A2ML1: variants seen among roughly 807,000 people sequenced by gnomAD.
A2ML1 encodes the protein alpha-2-macroglobulin like 1.
A neutral mutation model predicts 181.9 loss-of-function variants in A2ML1; 161 were observed. The observed-to-expected ratio is 0.89, with a 90% CI of 0.78 to 1.01. The LOEUF (loss-of-function observed/expected upper bound fraction) is 1.01. Among genes scored for constraint, A2ML1 ranks in the 50% least tolerant of loss-of-function variants. A2ML1 has a pLI of 0.00. For missense variants in A2ML1, 1,670 were observed against 1,768.1 expected (o/e 0.94, Z 1.00); for synonymous variants, 663 against 666.8 (o/e 0.99, Z 0.09).
At chr12:8,854,047 G>C in intron 20 of A2ML1, 81 bp from the exon 21 acceptor site, 1 of 1,444,274 alleles carries the variant, frequency 6.9e-7, no homozygotes, top group Non-Finnish European at 9.2e-7. Context: ...TAAAGTTTCA[G>C]AAATGCTGAT....
intron 29 of A2ML1, among the ~76,000 whole-genome samples, chr12:8,865,939 A>G (rs529315325): frequency 6.6e-6 from 1 of 152,166 alleles, no homozygotes; most frequent in Non-Finnish European, 1.5e-5. Context: ...AAATTAGCCA[A>G]TTTCACTGAA....
At chr12:8,830,209 G>T (rs980344462) in intron 4 of A2ML1, among the ~76,000 whole-genome samples, 4 of 151,892 alleles carry the variant, frequency 2.6e-5, no homozygotes, top group African/African-American at 7.3e-5. Flanking sequence ...GCACCATCAC[G>T]CCTGGCTAAT....
chr12:8,845,296 G>C (rs768651220), intron 12 of A2ML1, 146 bp from the exon 13 acceptor site: 5 of 1,419,368 alleles, frequency 3.5e-6, no homozygotes, highest in Admixed American at 1.9e-5. Context: ...TGTCAAGCTA[G>C]TGGATGCTGG....
chr12:8,834,799 C>A, intron 5 of A2ML1, 117 bp downstream of exon 5: 1 of 1,303,862 alleles, frequency 7.7e-7, no homozygotes, highest in Non-Finnish European at 1.1e-6. Context: ...CCCCATGACT[C>A]TGCCCAGCAC....
chr12:8,845,164 A>G (rs1943624782), intron 12 of A2ML1: 1 of 1,503,562 alleles, frequency 6.7e-7, no homozygotes, highest in East Asian at 2.5e-5. Flanking sequence ...AATGGCAGAC[A>G]GTTATCTATG....
At chr12:8,881,700 T>C (rs1423452499), downstream of A2ML1, among the ~76,000 whole-genome samples, 3 of 152,080 alleles carry the variant, frequency 2.0e-5, no homozygotes, top group Non-Finnish European at 4.4e-5. Flanking sequence ...GAGAAAATAG[T>C]GTGTTCAGTT....
intron 9 of A2ML1, among the ~76,000 whole-genome samples, chr12:8,838,677 C>T (rs1592116112): frequency 1.3e-5 from 2 of 151,884 alleles, no homozygotes; most frequent in Non-Finnish European, 2.9e-5. Flanking sequence ...CTTTGGGAGG[C>T]CGAGACGGGC....
At chr12:8,829,930 C>T (rs779138035) in intron 4 of A2ML1, 151 bp downstream of exon 4, 38 of 870,476 alleles carry the variant, frequency 4.4e-5, no homozygotes, top group Non-Finnish European at 5.5e-5. Context: ...AAGTGCTGGG[C>T]GAGCTTCAGG....
chr12:8,847,735 G>C (rs1293653967), intron 15 of A2ML1, 37 bp downstream of exon 15: 1 of 1,591,010 alleles, frequency 6.3e-7, no homozygotes, highest in African/African-American at 1.4e-5. Context: ...GGAGGAGGGA[G>C]TTGATGGAGA....
chr12:8,869,367 A>C (rs906421485), intron 33 of A2ML1, among the ~76,000 whole-genome samples, 164 bp downstream of exon 33: 5 of 151,978 alleles, frequency 3.3e-5, no homozygotes, highest in African/African-American at 1.2e-4. Flanking sequence ...ACCGTAAAAC[A>C]CCCCATTGTG....
chr12:8,848,682 A>G (rs1294009480), intron 15 of A2ML1, 38 bp from the exon 16 acceptor site: 6 of 1,536,322 alleles, frequency 3.9e-6, no homozygotes, highest in Non-Finnish European at 1.8e-6. Context: ...TGATATCACT[A>G]TATCAATGCT....
chr12:8,863,239 T>C (rs1221452225), intron 28 of A2ML1, among the ~76,000 whole-genome samples: 1 of 152,056 alleles, frequency 6.6e-6, no homozygotes, highest in African/African-American at 2.4e-5. Context: ...CCCAAGTAGC[T>C]GGGATTAGAG....
chr12:8,851,945 C>G lies in A2ML1; in HGVS notation c.2396C>G (p.Ser799Ter). Residue 799 changes from serine to a stop codon, truncating the protein, a stop_gained, in exon 19 of 36, where the codon TCA becomes TGA. Transcript: ENST00000299698. LOFTEE classifies it high-confidence loss of function. Reference protein sequence around the residue: ...PFFVDLTLPYSVVRGESFRLT... With the variant: ...PFFVDLTLPY The stretch of plus-strand genomic sequence containing the variant: ...TTTGTTGACCTGACTCTCCCTTACT[C>G]AGTAGTCCGTGGGGAATCCTTTCGT... The G allele has an allele frequency of 1.2e-6, 2 of 1,614,206 alleles. No homozygotes were observed. Among genetic ancestry groups the G allele is most frequent in the South Asian group, 2.2e-5 (2 of 91,084 alleles).
intron 15 of A2ML1, among the ~76,000 whole-genome samples, chr12:8,848,353 T>C (rs746667470): frequency 2.2e-4 from 33 of 151,440 alleles, no homozygotes; most frequent in Admixed American, 1.4e-3. Flanking sequence ...TGGTGGCGCA[T>C]GCCTGTAATC....
chr12:8,868,065 G>C lies in A2ML1; in HGVS notation c.3933+8G>C. 6.2e-7 allele frequency: 1 copy of C among 1,612,898 alleles called. No homozygotes were observed. The highest frequency in any genetic ancestry group is 8.5e-7 in the Non-Finnish European group (1 of 1,178,872). ...GGCTGTGTCTATGTGCAGGTAAGTA[G>C]AGATCCATGAGAATGAGCGGACATT... is the stretch of plus-strand genomic sequence containing the variant. On this transcript the variant is annotated splice_region_variant and intron_variant, in intron 30 of 35. Coordinates refer to ENST00000299698, the MANE Select transcript of A2ML1 (RefSeq NM_144670.6).
chr12:8,873,303 G>A (rs538719157), intron 33 of A2ML1, among the ~76,000 whole-genome samples: 24 of 150,562 alleles, frequency 1.6e-4, no homozygotes, highest in Non-Finnish European at 2.7e-4. Context: ...TCAGTGGCCC[G>A]ATCTTGGCTC....
intron 11 of A2ML1, among the ~76,000 whole-genome samples, chr12:8,842,375 C>T (rs908324011): frequency 1.3e-4 from 19 of 145,498 alleles, no homozygotes; most frequent in Admixed American, 2.9e-4. Flanking sequence ...CCTGCCACCA[C>T]GCCCGGCTAA....
downstream of A2ML1, among the ~76,000 whole-genome samples, chr12:8,878,743 C>T (rs540035896): frequency 1.2e-4 from 18 of 152,128 alleles, 1 homozygote; most frequent in South Asian, 6.2e-4. This position sits in a 1 kb window ranked among gnomAD's most constrained non-coding sequence, Gnocchi z 4.4. Flanking sequence ...GTGGGTGGAT[C>T]GCTTGAGCTC....
rs575269383 is a variant in A2ML1 at position 8,850,606 on chromosome 12, G to GA, written c.2234+340dup. Among the ~76,000 whole-genome samples the GA allele has an allele frequency of 4.3e-3, 654 of 151,434 alleles. 2 individuals carry two copies. The highest frequency in any genetic ancestry group is 8.0e-3 in the Non-Finnish European group (545 of 67,794). On this transcript the variant is annotated intron_variant, in intron 18 of 35. Coordinates refer to ENST00000299698, the MANE Select transcript of A2ML1 (RefSeq NM_144670.6). ...AACGACAACGACAACAACAAACCCA[G>GA]AAAAAAAACAGTAAGATTCTGCAAT...
Sources: allele counts gnomAD v4.1 joint callset (sites outside exome capture counted in the v4.1 genomes callset), GRCh38; gene constraint gnomAD v4.1.1; non-coding constraint Gnocchi (gnomAD v3.1); transcripts MANE v1.5; gene names NCBI Gene and HGNC (gene_info 2026-07-23, HGNC 2026-07-21).